The following SAFB variants were observed in gnomAD, a reference collection of about 807,000 sequenced individuals.
The protein encoded by SAFB is scaffold attachment factor B1.
Under a neutral mutation model 101.6 loss-of-function variants are expected in SAFB, and 15 were observed. That is an observed-to-expected ratio of 0.15 (90% CI 0.10 to 0.23). The LOEUF (loss-of-function observed/expected upper bound fraction) is 0.23. Among genes scored for constraint, SAFB ranks in the 10% least tolerant of loss-of-function variants. The probability of loss-of-function intolerance (pLI) is 1.00; values close to 1 mark genes in which losing one functional copy is unlikely to be tolerated. For missense variants in SAFB, 930 were observed against 1,104.1 expected (o/e 0.84, Z 2.23); for synonymous variants, 449 against 407.5 (o/e 1.10, Z -1.23).
chr19:5,630,653 G>C (rs1320117504), intron 2 of SAFB, among the ~76,000 whole-genome samples: 1 of 151,690 alleles, frequency 6.6e-6, no homozygotes, highest in African/African-American at 2.4e-5. Context: ...CTACTTGAGA[G>C]GCTGAGGCAG....
In SAFB at chr19:5,644,076, T is replaced by C. The variant is rs148249927; in HGVS notation, c.547-1261T>C. On this transcript the variant is annotated intron_variant, in intron 4 of 20. Coordinates refer to ENST00000588852, the MANE Select transcript of SAFB (RefSeq NM_001201338.2). The stretch of plus-strand genomic sequence containing the variant: ...TGTTTTTGTTTTGGGGTTTTTTTGT[T>C]TTTGCTTTGTTTTGCTTTTTTTCAA... Among the ~76,000 whole-genome samples, 8 of 152,290 alleles carry C rather than the reference T, an allele frequency of 5.3e-5. No homozygotes were observed. The East Asian group carries it at 1.5e-3, about 29-fold the overall frequency.
At position 5,641,936 on chromosome 19, in the gene SAFB, A is replaced by G. The variant is rs747097630; in HGVS notation, c.536A>G (p.Gln179Arg). 2.0e-5 allele frequency: 32 copies of G among 1,613,800 alleles called. No individual in the cohort carries two copies. Among genetic ancestry groups the G allele is most frequent in the Admixed American group, 5.0e-5 (3 of 60,010 alleles). Residue 179 changes from glutamine to arginine, a missense_variant, in exon 4 of 21, where the codon CAG becomes CGG. Physicochemically the swap from Gln to Arg is conservative, Grantham distance 43. Transcript: ENST00000588852. ...GEMKELPEQL[Q>R]EHAIEDKETI... ...ATGAAAGAGCTTCCGGAGCAGCTTC[A>G]GGAACATGCTGTAGGTAACCGGCAA...
intron 14 of SAFB, among the ~76,000 whole-genome samples, chr19:5,659,616 C>T (rs1023197197): frequency 1.3e-5 from 2 of 151,704 alleles, no homozygotes; most frequent in Non-Finnish European, 2.9e-5. Context: ...CTCCTGACCT[C>T]GTGATCCACC....
intron 2 of SAFB, among the ~76,000 whole-genome samples, chr19:5,637,205 G>C (rs914975934): frequency 2.0e-5 from 3 of 151,304 alleles, no homozygotes; most frequent in Non-Finnish European, 2.9e-5. Context: ...TAAGCCGGGC[G>C]TGATGGCGGG....
rs2053901027 is a variant in SAFB, at chr19:5,649,986, T to G, written c.1198+11T>G. 6.2e-7 allele frequency: 1 copy of G among 1,610,548 alleles called. No individual in the cohort carries two copies. On this transcript the variant is annotated intron_variant, in intron 8 of 20. Coordinates refer to ENST00000588852, the MANE Select transcript of SAFB (RefSeq NM_001201338.2). Reference sequence around the variant, plus strand: ...CCAAAGAGGAAAAGGGTAGGTCACCTCGGCGACACCAGTCCCTTGGAGCAT... The same window carrying G: ...CCAAAGAGGAAAAGGGTAGGTCACCGCGGCGACACCAGTCCCTTGGAGCAT...
chr19:5,661,967 C>G (rs1421268208), intron 15 of SAFB, among the ~76,000 whole-genome samples, 159 bp downstream of exon 15: 1 of 151,656 alleles, frequency 6.6e-6, no homozygotes, highest in Non-Finnish European at 1.5e-5. Flanking sequence ...TCACTGCAAG[C>G]TCTGCCTCCC....
rs2053724167 is a variant in SAFB, at chr19:5,641,916, A to G, written c.516A>G (p.Lys172=). ...DSRELVEGEM[K]ELPEQLQEHA... Reference sequence around the variant, plus strand: ...GAGAGCTAGTCGAGGGGGAAATGAAAGAGCTTCCGGAGCAGCTTCAGGAAC... The same window carrying G: ...GAGAGCTAGTCGAGGGGGAAATGAAGGAGCTTCCGGAGCAGCTTCAGGAAC... Residue 172 remains lysine (K), a synonymous_variant, in exon 4 of 21, where the codon AAA becomes AAG. Coordinates refer to ENST00000588852, the MANE Select transcript of SAFB (RefSeq NM_001201338.2). 6.2e-7 allele frequency: 1 copy of G among 1,614,206 alleles called. No individual in the cohort carries two copies. The highest frequency in any genetic ancestry group is 1.7e-5 in the Admixed American group (1 of 60,024).
At chr19:5,630,670 C>G (rs995198753) in intron 2 of SAFB, among the ~76,000 whole-genome samples, 2 of 151,140 alleles carry the variant, frequency 1.3e-5, no homozygotes, top group African/African-American at 4.9e-5. Flanking sequence ...GCAGGAAAAT[C>G]GCTTGAACCC....
intron 2 of SAFB, among the ~76,000 whole-genome samples, chr19:5,629,807 T>G (rs908315736): frequency 6.6e-6 from 1 of 152,200 alleles, no homozygotes; most frequent in African/African-American, 2.4e-5. Flanking sequence ...CCTGTAATCC[T>G]AGCACTTTGG....
chr19:5,664,719 C>T, intron 17 of SAFB: 1 of 397,114 alleles, frequency 2.5e-6, no homozygotes, highest in South Asian at 2.3e-5. Context: ...TGCCAGGGAA[C>T]CTTGGGATGT....
rs182479758 is a variant in SAFB, at chr19:5,625,759, A to G, written c.190-646A>G. Among the ~76,000 whole-genome samples, 72 of 152,308 alleles carry G rather than the reference A, an allele frequency of 4.7e-4. 1 individual carries two copies. Among genetic ancestry groups the G allele is most frequent in the Middle Eastern group, 3.4e-3 (1 of 294 alleles). On this transcript the variant is annotated intron_variant, in intron 1 of 20. Coordinates refer to ENST00000588852, the MANE Select transcript of SAFB (RefSeq NM_001201338.2). ...CGTGCCAAGAAATTCTTATAATTCAATATCCGATGAGGCACAATCACCTAG... is the reference window on the plus strand; with the variant it reads ...CGTGCCAAGAAATTCTTATAATTCAGTATCCGATGAGGCACAATCACCTAG...
intron 2 of SAFB, among the ~76,000 whole-genome samples, chr19:5,628,286 C>T (rs1433090482): frequency 6.6e-6 from 1 of 152,096 alleles, no homozygotes; most frequent in East Asian, 1.9e-4. Flanking sequence ...GGCTTGTAGA[C>T]CGAATGTTCT....
intron 2 of SAFB, among the ~76,000 whole-genome samples, chr19:5,636,533 A>G (rs2053600037): frequency 6.6e-6 from 1 of 152,104 alleles, no homozygotes; most frequent in African/African-American, 2.4e-5. Context: ...ATAGTCCCCT[A>G]TCTTTGTAAA....
chr19:5,657,592 C>T lies in SAFB; in HGVS notation c.1862+245C>T, dbSNP rs141039867. Among the ~76,000 whole-genome samples the T allele has an allele frequency of 4.1e-3, 617 of 152,228 alleles. 3 individuals carry two copies. Among genetic ancestry groups the T allele is most frequent in the Non-Finnish European group, 7.1e-3 (484 of 68,006 alleles). On this transcript the variant is annotated intron_variant, in intron 14 of 20. Coordinates refer to ENST00000588852, the MANE Select transcript of SAFB (RefSeq NM_001201338.2). ...GCGCCCAGGCTGGAGAGTGCAGTGG[C>T]GTGACCTCGGCTCACTGCAACCTCC...
chr19:5,658,619 G>A (rs906331994), intron 14 of SAFB, among the ~76,000 whole-genome samples: 6 of 149,578 alleles, frequency 4.0e-5, no homozygotes, highest in African/African-American at 7.4e-5. Context: ...CGAGGCTGGC[G>A]GATCACGAGG....
intron 1 of SAFB, among the ~76,000 whole-genome samples, chr19:5,624,639 C>T (rs895157843): frequency 6.6e-6 from 1 of 151,362 alleles, no homozygotes; most frequent in Non-Finnish European, 1.5e-5. Flanking sequence ...TCCGGAACTA[C>T]GGAGATCACA....
Position 5,664,059 on chromosome 19 carries a change from G to A in SAFB, c.2191G>A (p.Ala731Thr), listed in dbSNP as rs759652174. The change falls in exon 16 of 21, where the codon GCC (alanine) becomes ACC (threonine). Residue 731 changes from alanine to threonine, a missense_variant. By Grantham distance (58) the Ala-to-Thr change is moderately conservative. This residue lies in a region of SAFB where 318 missense variants were observed against 342.6 expected (regional missense o/e 0.93). Transcript: ENST00000588852. ...DAYWPEAKRA[A>T]LDERYHSDFN... ...CTATTGGCCGGAAGCCAAGCGGGCC[G>A]CCCTGGATGAGCGCTACCATTCTGA... is the stretch of plus-strand genomic sequence containing the variant. The A allele has an allele frequency of 1.9e-5, 30 of 1,613,878 alleles. No homozygotes were observed. The highest frequency in any genetic ancestry group is 5.3e-5 in the African/African-American group (4 of 74,932).
Position 5,639,408 on chromosome 19 carries a change from T to A in SAFB, c.275-2186T>A, listed in dbSNP as rs558290489. On this transcript the variant is annotated intron_variant, in intron 2 of 20. Transcript: ENST00000588852. ...ATAGCTTGGCCACATAAGAGTGAAA[T>A]GGGCCAGGGCGCGGTGGCTCATGTC... Among the ~76,000 whole-genome samples the A allele has an allele frequency of 2.0e-5, 3 of 152,184 alleles. No homozygotes were observed. The East Asian group carries it at 5.8e-4, about 29-fold the overall frequency.
chr19:5,630,387 T>C (rs1490132482), intron 2 of SAFB, among the ~76,000 whole-genome samples: 1 of 152,244 alleles, frequency 6.6e-6, no homozygotes, highest in Non-Finnish European at 1.5e-5. Flanking sequence ...TTCAATTTAA[T>C]CTGATTCGAC....
Sources: gnomAD v4.1 joint callset for allele counts (sites outside exome capture counted in the v4.1 genomes callset) on GRCh38, gnomAD v4.1.1 for gene constraint, gnomAD v4.1.1 regional missense constraint, MANE v1.5 for transcripts, NCBI Gene and HGNC (gene_info 2026-07-23, HGNC 2026-07-21) for gene names.